SLMAP: variants seen among roughly 807,000 people sequenced by gnomAD.
The protein encoded by SLMAP is sarcolemmal membrane-associated protein.
In SLMAP, 44 loss-of-function variants were observed where a neutral mutation model predicts 128.8. The observed-to-expected ratio is 0.34, with a 90% CI of 0.27 to 0.44. The LOEUF is 0.44. Ranked by LOEUF, SLMAP falls within the 20% of genes least tolerant of loss-of-function variation. The pLI is 1.00. For synonymous variants in SLMAP, 327 were observed against 348.8 expected, an observed-to-expected ratio of 0.94 and a Z score of 0.70; for missense variants, 787 against 985.3, an observed-to-expected ratio of 0.80 and a Z score of 2.69.
At chr3:57,875,625 A>G (rs2095587400) in intron 14 of SLMAP, among the ~76,000 whole-genome samples, 1 of 152,216 alleles carries the variant, frequency 6.6e-6, no homozygotes, top group Non-Finnish European at 1.5e-5. Context: ...TCAGGTAGCT[A>G]AGGAGAGGCC....
At chr3:57,772,033 G>A (rs1394324622) in intron 2 of SLMAP, among the ~76,000 whole-genome samples, 2 of 152,172 alleles carry the variant, frequency 1.3e-5, no homozygotes, top group African/African-American at 2.4e-5. Flanking sequence ...GTGAAATTAC[G>A]ATATTACTTC....
At chr3:57,802,786 T>G (rs567881607) in intron 2 of SLMAP, among the ~76,000 whole-genome samples, 1 of 152,364 alleles carries the variant, frequency 6.6e-6, no homozygotes, top group South Asian at 2.1e-4. Context: ...CTTCCAGTTT[T>G]GGATTATTAT....
intron 14 of SLMAP, among the ~76,000 whole-genome samples, chr3:57,883,717 A>T (rs1377100009): frequency 6.6e-6 from 1 of 152,246 alleles, no homozygotes; most frequent in South Asian, 2.1e-4. Context: ...GAAACATACA[A>T]TTGAGTAGTA....
At chr3:57,790,025 C>T (rs533657507) in intron 2 of SLMAP, among the ~76,000 whole-genome samples, 7 of 152,118 alleles carry the variant, frequency 4.6e-5, no homozygotes, top group East Asian at 3.9e-4. Context: ...TTAGTAGAGA[C>T]GGGGTTTCAC....
chr3:57,821,342 A>G (rs901889647), intron 2 of SLMAP, among the ~76,000 whole-genome samples: 5 of 152,112 alleles, frequency 3.3e-5, no homozygotes, highest in African/African-American at 7.2e-5. Flanking sequence ...AATTAACATC[A>G]TTTGTAAGAC....
chr3:57,865,332 T>C, intron 13 of SLMAP, 40 bp downstream of exon 13: 3 of 867,030 alleles, frequency 3.5e-6, no homozygotes, highest in Non-Finnish European at 1.8e-6. Flanking sequence ...CTTTTTATGA[T>C]ATCATTTTAG....
At chr3:57,787,946 G>A (rs968075998) in intron 2 of SLMAP, among the ~76,000 whole-genome samples, 2 of 152,182 alleles carry the variant, frequency 1.3e-5, no homozygotes, top group East Asian at 3.8e-4. Context: ...CAAATGATCC[G>A]CAGTTGAAGT....
intron 2 of SLMAP, among the ~76,000 whole-genome samples, chr3:57,783,152 G>A (rs1198909808): frequency 6.6e-6 from 1 of 152,204 alleles, no homozygotes; most frequent in Non-Finnish European, 1.5e-5. Context: ...ATTTGGAGGA[G>A]CAGGCTAGGA....
intron 2 of SLMAP, among the ~76,000 whole-genome samples, chr3:57,813,136 C>A (rs1576911443): frequency 1.4e-5 from 2 of 144,424 alleles, no homozygotes; most frequent in East Asian, 4.0e-4. Context: ...TGCTCTGTTG[C>A]CCAGGCTGGA....
intron 6 of SLMAP, among the ~76,000 whole-genome samples, chr3:57,853,034 A>G (rs763776834): frequency 3.3e-5 from 5 of 152,276 alleles, no homozygotes; most frequent in Non-Finnish European, 5.9e-5. Flanking sequence ...GATTTCTGTT[A>G]GGATATAGTT....
rs2096016342 is a variant in SLMAP at position 57,890,030 on chromosome 3, T to G, written c.1301-11T>G. 6.2e-7 allele frequency: 1 copy of G among 1,605,830 alleles called. No individual in the cohort carries two copies. The highest frequency in any genetic ancestry group is 1.3e-5 in the African/African-American group (1 of 74,784). ...TTGGGCTTGGATGGTAACGTTTATT[T>G]TCCTTGGCAGAGAAGCTGATCGTCG... On this transcript the variant is annotated splice_polypyrimidine_tract_variant and intron_variant, in intron 14 of 24. Transcript: ENST00000671191.
At chr3:57,904,299 C>G (rs530952132) in intron 17 of SLMAP, among the ~76,000 whole-genome samples, 1 of 152,222 alleles carries the variant, frequency 6.6e-6, no homozygotes, top group Non-Finnish European at 1.5e-5. Context: ...AGGTACATGC[C>G]TGTAGTCTGA....
intron 2 of SLMAP, among the ~76,000 whole-genome samples, chr3:57,781,915 C>T (rs1238100144): frequency 6.6e-6 from 1 of 151,696 alleles, no homozygotes; most frequent in African/African-American, 2.4e-5. Context: ...GTGTTTTTAA[C>T]TAGATGCGGG....
Position 57,865,286 on chromosome 3 carries a change from GA to G in SLMAP, c.1236del (p.Glu413SerfsTer18). 1.0e-5 allele frequency: 15 copies of G among 1,449,132 alleles called. No individual in the cohort carries two copies. The highest frequency in any genetic ancestry group is 2.1e-5 in the Admixed American group (1 of 48,168). 89.8% of individuals were successfully genotyped at this position (1,449,132 alleles called of 1,614,324 possible). The stretch of plus-strand genomic sequence containing the variant: ...CTTACCTAAAATAAATGGGAGCACA[GA>G]AAAAGGTAGTGTAAAAAACTTAAAT... ...DFLPKINGST[E>X]KEHLLSKSGG... On this transcript the variant is annotated frameshift_variant, in exon 13 of 25. Transcript: ENST00000671191. LOFTEE classifies it high-confidence loss of function.
In SLMAP at chr3:57,862,049, C is replaced by T. The variant is rs1177179778; in HGVS notation, c.929C>T (p.Ala310Val). ...LRELANKYNG[A>V]VNEIKDLSDK... ...GAATTAGCCAACAAATATAATGGAG[C>T]AGTTAATGAGATTAAAGATTTATCT... The change falls in exon 10 of 25, where the codon GCA becomes GTA. Residue 310 changes from alanine to valine, a missense_variant. By Grantham distance (64) the Ala-to-Val change is moderately conservative. This residue lies in a region of SLMAP where 715 missense variants were observed against 843.6 expected (regional missense o/e 0.85). Transcript: ENST00000671191. 10 of 1,591,246 alleles carry T rather than the reference C, an allele frequency of 6.3e-6. No homozygotes were observed. The highest frequency in any genetic ancestry group is 5.2e-6 in the Non-Finnish European group (6 of 1,159,644).
Position 57,896,588 on chromosome 3 carries a change from A to G in SLMAP, c.1438A>G (p.Thr480Ala), listed in dbSNP as rs773600560. ...CAAGGAAAAAAGCAGTGACGACACT[A>G]CAGGTGAGTTTTAACCTAATGTTTA... ...PSKEKSSDDT[T>A]DAQMDEQDLN... The change falls in exon 16 of 25, where the codon ACA becomes GCA. Residue 480 changes from threonine (T) to alanine (A), a missense_variant. Transcript: ENST00000671191. The G allele has an allele frequency of 3.7e-6, 6 of 1,606,834 alleles. No individual in the cohort carries two copies. Among genetic ancestry groups the G allele is most frequent in the Admixed American group, 1.7e-5 (1 of 59,084 alleles).
At chr3:57,892,313 T>C (rs1460440425) in intron 15 of SLMAP, among the ~76,000 whole-genome samples, 1 of 152,208 alleles carries the variant, frequency 6.6e-6, no homozygotes, top group Admixed American at 6.5e-5. Flanking sequence ...CTGTTACCAG[T>C]CTTACCTCTT....
intron 2 of SLMAP, among the ~76,000 whole-genome samples, chr3:57,807,773 T>C (rs2090177724): frequency 6.6e-6 from 1 of 152,204 alleles, no homozygotes; most frequent in Non-Finnish European, 1.5e-5. Context: ...ATCAGGATGA[T>C]GCTGGCCTCA....
rs1218796004 is a variant in SLMAP, at chr3:57,922,965, C to G, written c.2387C>G (p.Thr796Arg). The change falls in exon 23 of 25, where the codon ACA becomes AGA. Residue 796 changes from threonine to arginine, a missense_variant. Coordinates refer to ENST00000671191, the MANE Select transcript of SLMAP (RefSeq NM_001377540.1). Reference sequence around the variant, plus strand: ...ACTGAGCAGGAAAAGCAGTCAATCACAGATGAGCTCAAACAGTGTAAAAAC... The same window carrying G: ...ACTGAGCAGGAAAAGCAGTCAATCAGAGATGAGCTCAAACAGTGTAAAAAC... ...EMTEQEKQSI[T>R]DELKQCKNNL... The G allele has an allele frequency of 1.2e-6, 2 of 1,613,792 alleles. No homozygotes were observed. Among genetic ancestry groups the G allele is most frequent in the Non-Finnish European group, 1.7e-6 (2 of 1,179,836 alleles).
Sources: allele counts gnomAD v4.1 joint callset (sites outside exome capture counted in the v4.1 genomes callset), GRCh38; gene constraint gnomAD v4.1.1; regional missense constraint gnomAD v4.1.1; transcripts MANE v1.5; gene names NCBI Gene and HGNC (gene_info 2026-07-23, HGNC 2026-07-21).